PCDHA3: variants seen among roughly 807,000 people sequenced by gnomAD.
PCDHA3 encodes protocadherin alpha-3.
A neutral mutation model predicts 62.2 loss-of-function variants in PCDHA3; 41 were observed. The observed-to-expected ratio is 0.66, with a 90% CI of 0.51 to 0.86. The LOEUF (loss-of-function observed/expected upper bound fraction) is 0.86, where lower values mean the gene tolerates loss of function less well. PCDHA3 is among the 40% of genes least tolerant of loss of function. PCDHA3 has a pLI of 0.00. For missense variants in PCDHA3, 1,304 were observed against 1,241.2 expected (o/e 1.05, Z -0.76); for synonymous variants, 640 against 555.4 (o/e 1.15, Z -2.14).
chr5:140,866,610 G>A (rs1177328697), intron 1 of PCDHA3: 2 of 152,124 alleles, frequency 1.3e-5, no homozygotes, highest in Admixed American at 1.3e-4. Context: ...TGGTTTTGGA[G>A]AACCTCCTGG....
At chr5:140,850,617 T>A in intron 1 of PCDHA3, 3 of 1,598,492 alleles carry the variant, frequency 1.9e-6, no homozygotes, top group African/African-American at 2.7e-5. Context: ...CTGCGCGGTG[T>A]CTAGCCTGTT....
In PCDHA3 at chr5:140,829,825, C is replaced by G. The variant is rs2150175451; in HGVS notation, c.2394+26234C>G. 1.2e-5 allele frequency: 19 copies of G among 1,613,864 alleles called. 1 individual carries two copies. In the South Asian group the frequency reaches 2.0e-4, roughly 17 times the overall value. ...TGGGTGGTACTGGTGGTGCAGTGAG[C>G]GAGCTGGTGCCGCGGTCACTGGGTG... On this transcript the variant is annotated intron_variant, in intron 1 of 3. Transcript: ENST00000522353.
intron 1 of PCDHA3, chr5:140,829,501 G>A (rs2150169011): frequency 4.3e-6 from 7 of 1,613,442 alleles, no homozygotes; most frequent in Middle Eastern, 1.8e-4. Context: ...ACAACCCGCC[G>A]GGCTGCCACA....
Position 140,966,702 on chromosome 5 carries a change from G to A in PCDHA3, c.2395-12247G>A, listed in dbSNP as rs2153748522. On this transcript the variant is annotated intron_variant, in intron 1 of 3. Transcript: ENST00000522353. Reference sequence around the variant, plus strand: ...ACGAGCGGAGGCGGGGCCCGGGCGTGGGGCACGGCTGGGGAAGCTGCCGCC... The same window carrying A: ...ACGAGCGGAGGCGGGGCCCGGGCGTAGGGCACGGCTGGGGAAGCTGCCGCC... 3.7e-6 allele frequency: 5 copies of A among 1,367,880 alleles called. No homozygotes were observed. The South Asian group carries it at 6.9e-5, about 19-fold the overall frequency. 84.7% of individuals were successfully genotyped at this position (1,367,880 alleles called of 1,614,324 possible).
chr5:140,948,385 T>A (rs909867343), intron 1 of PCDHA3, among the ~76,000 whole-genome samples: 4 of 151,622 alleles, frequency 2.6e-5, no homozygotes, highest in Admixed American at 2.6e-4. Flanking sequence ...TTCCTCTATT[T>A]TCTGAAAGGT....
At chr5:140,861,707 G>T (rs1181948705) in intron 1 of PCDHA3, 1 of 218,782 alleles carries the variant, frequency 4.6e-6, no homozygotes, top group African/African-American at 2.3e-5. Context: ...TGATGCCGAC[G>T]TCGGGGCCAA....
At chr5:140,849,988 G>T (rs2150461736) in intron 1 of PCDHA3, 1 of 1,597,248 alleles carries the variant, frequency 6.3e-7, no homozygotes, top group Non-Finnish European at 8.6e-7. Flanking sequence ...GTGGAGCGGC[G>T]GTTGGGCGAG....
chr5:140,840,681 G>A (rs1776812728), intron 1 of PCDHA3, among the ~76,000 whole-genome samples: 1 of 152,038 alleles, frequency 6.6e-6, no homozygotes, highest in African/African-American at 2.4e-5. Flanking sequence ...TATTACTTTA[G>A]TAAATAAAAC....
At chr5:140,829,352 T>C (rs2150166449) in intron 1 of PCDHA3, 1 of 1,614,230 alleles carries the variant, frequency 6.2e-7, no homozygotes, top group Non-Finnish European at 8.5e-7. Flanking sequence ...CGTGTCGGCC[T>C]ATGAGTTGGT....
intron 1 of PCDHA3, chr5:140,808,384 C>T: frequency 6.2e-7 from 1 of 1,614,182 alleles, no homozygotes; most frequent in Non-Finnish European, 8.5e-7. Flanking sequence ...AGCTGGTGTC[C>T]ACCTTCAAGA....
chr5:140,979,130 A>C, intron 2 of PCDHA3, 123 bp downstream of exon 2: 1 of 1,473,242 alleles, frequency 6.8e-7, no homozygotes, highest in Admixed American at 2.7e-5. Flanking sequence ...TTTGCCAGGA[A>C]AATGCAATTA....
chr5:140,858,296 C>T, intron 1 of PCDHA3: 1 of 1,597,390 alleles, frequency 6.3e-7, no homozygotes, highest in East Asian at 2.2e-5. Flanking sequence ...GTCTTACTCG[C>T]AGCAGAGGCG....
chr5:140,808,037 G>C (rs1340097286), intron 1 of PCDHA3: 14 of 1,613,854 alleles, frequency 8.7e-6, no homozygotes, highest in Non-Finnish European at 1.1e-5. Flanking sequence ...ATTCTCAAAT[G>C]ATATTTCGCC....
At chr5:141,004,192 C>G (rs2098157863) in intron 3 of PCDHA3, among the ~76,000 whole-genome samples, 1 of 152,192 alleles carries the variant, frequency 6.6e-6, no homozygotes, top group African/African-American at 2.4e-5. Flanking sequence ...TGCTCTTAAC[C>G]AAAAGGAATT....
intron 1 of PCDHA3, chr5:140,822,611 T>C: frequency 6.2e-7 from 1 of 1,611,604 alleles, no homozygotes; most frequent in Non-Finnish European, 8.5e-7. Flanking sequence ...ATAGTGTATT[T>C]CTTTAGTAAT....
intron 1 of PCDHA3, among the ~76,000 whole-genome samples, chr5:140,831,419 G>A (rs1473528725): frequency 6.6e-6 from 1 of 151,618 alleles, no homozygotes; most frequent in Non-Finnish European, 1.5e-5. Flanking sequence ...GAGTACAGTG[G>A]TGCAATAATG....
intron 3 of PCDHA3, chr5:140,989,000 GAGACTTATTAT>G (rs2097324899): frequency 6.6e-6 from 1 of 152,202 alleles, no homozygotes; most frequent in Non-Finnish European, 1.5e-5. Flanking sequence ...TAAGGAAATA[GAGACTTATTAT>G]AGTTTCTTCA....
Position 140,841,535 on chromosome 5 carries a change from C to G in PCDHA3, c.2394+37944C>G, listed in dbSNP as rs146057065. ...GTTCCGGGTGGCGTCCAAAAGACAC[C>G]GGGACCTTCTGGAGGTAAGTCTGCA... On this transcript the variant is annotated intron_variant, in intron 1 of 3. Transcript: ENST00000522353. 2.9e-4 allele frequency: 467 copies of G among 1,613,646 alleles called. 2 individuals are homozygous for G. The highest frequency in any genetic ancestry group is 2.5e-4 in the Admixed American group (15 of 60,006).
chr5:140,803,700 A>G, intron 1 of PCDHA3, 109 bp downstream of exon 1: 1 of 1,533,366 alleles, frequency 6.5e-7, no homozygotes. Context: ...TGTGATTCAT[A>G]ATTAGACTTT....
Sources: gnomAD v4.1 joint callset for allele counts (sites outside exome capture counted in the v4.1 genomes callset) on GRCh38, gnomAD v4.1.1 for gene constraint, MANE v1.5 for transcripts, NCBI Gene and HGNC (gene_info 2026-07-23, HGNC 2026-07-21) for gene names.